Variants in CHCHD6 observed in about 807,000 individuals in gnomAD.
CHCHD6 encodes the protein MICOS complex subunit MIC25.
In CHCHD6, 28 loss-of-function variants were observed where a neutral mutation model predicts 32.3. The observed-to-expected ratio is 0.87, with a 90% confidence interval of 0.64 to 1.19. The LOEUF (loss-of-function observed/expected upper bound fraction) is 1.19. Ranked by LOEUF, CHCHD6 falls within the 50% of genes most tolerant of loss-of-function variation. CHCHD6 has a pLI of 0.00. For synonymous variants in CHCHD6, 122 were observed against 117.5 expected, an observed-to-expected ratio of 1.04 and a Z score of -0.25; for missense variants, 333 against 307.0, an observed-to-expected ratio of 1.08 and a Z score of -0.63.
chr3:126,931,087 G>A (rs975297558), intron 6 of CHCHD6, among the ~76,000 whole-genome samples: 4 of 152,194 alleles, frequency 2.6e-5, no homozygotes, highest in Non-Finnish European at 4.4e-5. Context: ...CCTGCTCTGT[G>A]GGGGCAGGCC....
chr3:126,854,003 G>T (rs191296598), intron 5 of CHCHD6, among the ~76,000 whole-genome samples: 1 of 152,256 alleles, frequency 6.6e-6, no homozygotes, highest in Non-Finnish European at 1.5e-5. Flanking sequence ...CCCTTCCTGG[G>T]CTTGGCTGCT....
In CHCHD6 at chr3:126,847,767, C is replaced by G. The variant is rs185681062; in HGVS notation, c.412-4880C>G. 2.0e-5 allele frequency among the ~76,000 whole-genome samples: 3 copies of G among 152,204 alleles called. No homozygotes were observed. In the East Asian group the frequency reaches 5.8e-4, roughly 29 times the overall value. On this transcript the variant is annotated intron_variant, in intron 4 of 7. Transcript: ENST00000290913. ...CTCTCCTCTCCCCCTTTCCCACTTT[C>G]CCTAAGTCACCCCTACCAGTGTCTT...
intron 6 of CHCHD6, among the ~76,000 whole-genome samples, chr3:126,941,609 C>T (rs1217485284): frequency 1.3e-5 from 2 of 152,094 alleles, no homozygotes. Flanking sequence ...TATCAAATTG[C>T]CGTCACTGTT....
chr3:126,828,873 G>A (rs1940519773), intron 4 of CHCHD6, among the ~76,000 whole-genome samples: 1 of 151,872 alleles, frequency 6.6e-6, no homozygotes, highest in African/African-American at 2.4e-5. Flanking sequence ...TCCCCTTTTT[G>A]TTTTGCTCAT....
intron 5 of CHCHD6, among the ~76,000 whole-genome samples, chr3:126,894,650 A>G (rs141698711): frequency 1.6e-3 from 237 of 152,220 alleles, no homozygotes; most frequent in African/African-American, 5.5e-3. Context: ...GCACACACCC[A>G]TCACGGTGGG....
intron 6 of CHCHD6, among the ~76,000 whole-genome samples, chr3:126,939,145 G>C (rs954110715): frequency 6.6e-6 from 1 of 152,168 alleles, no homozygotes; most frequent in Non-Finnish European, 1.5e-5. Context: ...TAAGGTTCCA[G>C]TTCAAGCCAG....
At chr3:126,956,424 T>C (rs575492918) in intron 6 of CHCHD6, among the ~76,000 whole-genome samples, 49 of 152,350 alleles carry the variant, frequency 3.2e-4, no homozygotes, top group African/African-American at 1.1e-3. Flanking sequence ...ACTGTCCAGC[T>C]GCATGGCCTT....
chr3:126,773,943 G>A (rs994588073), intron 4 of CHCHD6, among the ~76,000 whole-genome samples: 4 of 152,110 alleles, frequency 2.6e-5, no homozygotes, highest in African/African-American at 9.7e-5. Context: ...GAGGATGAGA[G>A]CTTGGAGCTG....
intron 4 of CHCHD6, among the ~76,000 whole-genome samples, chr3:126,826,297 C>A (rs1329523444): frequency 2.6e-5 from 4 of 152,064 alleles, no homozygotes; most frequent in African/African-American, 9.7e-5. Context: ...GTGGTGAGTT[C>A]CTTGGTGAAA....
At chr3:126,746,764 A>T (rs1255654692) in intron 4 of CHCHD6, among the ~76,000 whole-genome samples, 1 of 152,170 alleles carries the variant, frequency 6.6e-6, no homozygotes, top group Non-Finnish European at 1.5e-5. Context: ...TTTGATGAGA[A>T]ATATGTAGGG....
chr3:126,864,023 T>C (rs1399324891), intron 5 of CHCHD6, among the ~76,000 whole-genome samples: 108 of 38,236 alleles, frequency 2.8e-3, no homozygotes, highest in Middle Eastern at 0.026. Flanking sequence ...ACCAACTCCT[T>C]CACCACCATC....
intron 4 of CHCHD6, chr3:126,780,403 CT>C: frequency 2.5e-6 from 1 of 397,018 alleles, no homozygotes; most frequent in South Asian, 2.0e-5. Flanking sequence ...TCACTCCAAT[CT>C]TCCAGCCGCC....
chr3:126,784,793 C>T (rs946816169), intron 4 of CHCHD6, among the ~76,000 whole-genome samples: 5 of 152,180 alleles, frequency 3.3e-5, no homozygotes, highest in Non-Finnish European at 7.3e-5. Flanking sequence ...CACTATTTTC[C>T]TTTCATACTT....
chr3:126,888,516 C>A (rs2077710111), intron 5 of CHCHD6, among the ~76,000 whole-genome samples: 1 of 152,156 alleles, frequency 6.6e-6, no homozygotes, highest in Admixed American at 6.5e-5. Flanking sequence ...TCACTAGGGT[C>A]AATAAGGGAT....
chr3:126,707,333 AGT>A (rs1934537901), intron 1 of CHCHD6, among the ~76,000 whole-genome samples: 1 of 152,184 alleles, frequency 6.6e-6, no homozygotes. Flanking sequence ...AAATTCACAA[AGT>A]GTGTTCAAAC....
In CHCHD6 at chr3:126,814,850, C is replaced by T. The variant is rs150232095; in HGVS notation, c.412-37797C>T. Among the ~76,000 whole-genome samples, 25 of 152,226 alleles carry T rather than the reference C, an allele frequency of 1.6e-4. No individual in the cohort carries two copies. The Middle Eastern group carries it at 0.01, about 62-fold the overall frequency. On this transcript the variant is annotated intron_variant, in intron 4 of 7. Coordinates refer to ENST00000290913, the MANE Select transcript of CHCHD6 (RefSeq NM_032343.3). ...TCAGCGTTCTGGAGGCTTGGACTTG[C>T]GACTGGTGTCTGAAGTGGGGTGAGG...
At chr3:126,959,249 C>T (rs959389689) in intron 7 of CHCHD6, among the ~76,000 whole-genome samples, 15 of 152,274 alleles carry the variant, frequency 9.9e-5, no homozygotes, top group African/African-American at 3.4e-4. Context: ...TCCTTCCCGG[C>T]CCCTACCCCT....
Position 126,957,543 on chromosome 3 carries a change from G to A in CHCHD6, c.694G>A (p.Ala232Thr), listed in dbSNP as rs781584150. Residue 232 changes from alanine to threonine, a missense_variant, in exon 7 of 8, where the codon GCC (alanine) becomes ACC (threonine). Transcript: ENST00000290913. ...GGCATACCAGCGCTGCGTGAGCGCCGCCCACAAGGTAAGGCCTTGCCTGCC... is the reference window on the plus strand; with the variant it reads ...GGCATACCAGCGCTGCGTGAGCGCCACCCACAAGGTAAGGCCTTGCCTGCC... Reference protein sequence around the residue: ...VKAYQRCVSAAHKG With the variant: ...VKAYQRCVSATHKG 1.8e-5 allele frequency: 28 copies of A among 1,567,848 alleles called. No homozygotes were observed. Among genetic ancestry groups the A allele is most frequent in the East Asian group, 2.4e-5 (1 of 41,860 alleles).
intron 5 of CHCHD6, among the ~76,000 whole-genome samples, chr3:126,885,360 C>T (rs1242252397): frequency 6.6e-6 from 1 of 152,134 alleles, no homozygotes; most frequent in Non-Finnish European, 1.5e-5. Context: ...TCCTTTGAAT[C>T]CTGTCCTGGC....
Sources: allele counts gnomAD v4.1 joint callset (sites outside exome capture counted in the v4.1 genomes callset), GRCh38; gene constraint gnomAD v4.1.1; transcripts MANE v1.5; gene names NCBI Gene and HGNC (gene_info 2026-07-23, HGNC 2026-07-21).